The following SEMA4D variants were observed in gnomAD, a reference collection of about 807,000 sequenced individuals.
The protein encoded by SEMA4D is semaphorin 4D.
A neutral mutation model predicts 74.8 loss-of-function variants in SEMA4D; 22 were observed. The ratio of observed to expected loss-of-function variants is 0.29; its 90% CI spans 0.21 to 0.42. The LOEUF is 0.42. Ranked by LOEUF, SEMA4D falls within the 10% of genes least tolerant of loss-of-function variation. The pLI, the probability that SEMA4D is intolerant of heterozygous loss-of-function variation, is 1.00. For synonymous variants in SEMA4D, 445 were observed against 463.7 expected, an observed-to-expected ratio of 0.96 and a Z score of 0.52; for missense variants, 937 against 1,118.4, an observed-to-expected ratio of 0.84 and a Z score of 2.31.
chr9:89,491,083 G>A (rs1825588961), intron 1 of SEMA4D, among the ~76,000 whole-genome samples: 2 of 152,192 alleles, frequency 1.3e-5, no homozygotes, highest in Non-Finnish European at 2.9e-5. Flanking sequence ...AATACATTTT[G>A]TCATAATTCA....
At chr9:89,406,630 A>C (rs910735882) in intron 2 of SEMA4D, among the ~76,000 whole-genome samples, 8 of 152,194 alleles carry the variant, frequency 5.3e-5, no homozygotes, top group Non-Finnish European at 1.2e-4. Context: ...TCACTCTATG[A>C]GAATGTCCTG....
chr9:89,413,454 C>A (rs1016723579), intron 2 of SEMA4D, among the ~76,000 whole-genome samples: 3 of 152,228 alleles, frequency 2.0e-5, no homozygotes, highest in African/African-American at 7.2e-5. Flanking sequence ...ACATGTACAT[C>A]TGTGTGTATG....
chr9:89,362,320 G>A (rs1247018626), exon 19 of SEMA4D: 1 of 1,612,488 alleles, frequency 6.2e-7, no homozygotes, highest in Non-Finnish European at 8.5e-7. Flanking sequence ...GGGGGACCAG[G>A]CCTTCTCCGG....
In SEMA4D at chr9:89,377,328, A is replaced by T; in HGVS notation, c.*1376T>A. The T allele has an allele frequency of 5.5e-6, 2 of 365,844 alleles. No homozygotes were observed. The highest frequency in any genetic ancestry group is 4.8e-6 in the Non-Finnish European group (1 of 209,404). The allele number at this position is 365,844 out of a possible 1,614,324, so 22.7% of individuals were successfully genotyped here. A position where few individuals can be genotyped will look rare whatever the true frequency, so the allele number is the denominator to read the frequency against. On this transcript the variant is annotated 3_prime_UTR_variant, in exon 16 of 16. Coordinates refer to ENST00000422704, the MANE Select transcript of SEMA4D (RefSeq NM_001371194.2). Reference sequence around the variant, plus strand: ...AAACAAGGTAAATCTTATAAAACACAAATGTTTACACCAAAATGGTCAAAT... The same window carrying T: ...AAACAAGGTAAATCTTATAAAACACTAATGTTTACACCAAAATGGTCAAAT...
At chr9:89,472,167 A>T (rs1315595571) in intron 1 of SEMA4D, 1 of 181,112 alleles carries the variant, frequency 5.5e-6, no homozygotes, top group African/African-American at 2.4e-5. Context: ...GCTTCCCACA[A>T]GAGGCAACTG....
At chr9:89,442,295 C>G (rs564242772) in intron 2 of SEMA4D, among the ~76,000 whole-genome samples, 2,141 of 152,350 alleles carry the variant, frequency 0.014, 23 homozygotes, top group Middle Eastern at 0.078. Flanking sequence ...TGGAGCCCCC[C>G]ACTCCAGCCC....
rs147968182 is a variant in SEMA4D at position 89,382,845 on chromosome 9, G to A, written c.1447-1499C>T. ...TGCCCTGGGTGGCCAAGTGGGGCCC[G>A]CCTGACTCCTCACCCCAAAGAGAGG... On this transcript the variant is annotated intron_variant, in intron 13 of 15. Coordinates refer to ENST00000422704, the MANE Select transcript of SEMA4D (RefSeq NM_001371194.2). Among the ~76,000 whole-genome samples the A allele has an allele frequency of 3.1e-3, 466 of 152,250 alleles. 7 individuals carry two copies. The highest frequency in any genetic ancestry group is 4.4e-3 in the Non-Finnish European group (298 of 68,018).
In SEMA4D at chr9:89,393,661, A is replaced by G. The variant is rs746071588; in HGVS notation, c.415-6T>C. 4.4e-6 allele frequency: 7 copies of G among 1,601,702 alleles called. No homozygotes were observed. Among genetic ancestry groups the G allele is most frequent in the Middle Eastern group, 3.3e-4 (2 of 6,062 alleles). On this transcript the variant is annotated splice_region_variant and splice_polypyrimidine_tract_variant and intron_variant, in intron 6 of 15. Transcript: ENST00000422704. ...AACTTAAAGGATGTTAAGTTCTACA[A>G]TTGAATAAAAAGAGAGCACATCATC... is the stretch of plus-strand genomic sequence containing the variant.
In SEMA4D at chr9:89,362,098, C is replaced by T. The variant is rs893215444; in HGVS notation, c.*304G>A. The T allele has an allele frequency of 6.2e-5, 34 of 551,440 alleles. No individual in the cohort carries two copies. The Admixed American group carries it at 8.3e-4, about 13-fold the overall frequency. The allele number at this position is 551,440 out of a possible 1,614,324, so 34.2% of individuals were successfully genotyped here. A position where few individuals can be genotyped will look rare whatever the true frequency, so the allele number is the denominator to read the frequency against. On this transcript the variant is annotated 3_prime_UTR_variant, in exon 19 of 19. Coordinates refer to the SEMA4D transcript ENST00000339861. Reference sequence around the variant, plus strand: ...GCACACACCCTGCTGTTTTAGTTCACGAGCAGCTATCAAAGCCTGTTAGCC... The same window carrying T: ...GCACACACCCTGCTGTTTTAGTTCATGAGCAGCTATCAAAGCCTGTTAGCC...
chr9:89,362,239 G>T, exon 19 of SEMA4D: 1 of 1,224,536 alleles, frequency 8.2e-7, no homozygotes, highest in African/African-American at 1.5e-5. Context: ...CCACTGTCCC[G>T]CCTCTGCCCA....
chr9:89,367,718 G>C (rs1174993166), intron 16 of SEMA4D: 2 of 152,282 alleles, frequency 1.3e-5, no homozygotes, highest in Non-Finnish European at 2.9e-5. Context: ...CGTAGGTAAT[G>C]ATCTTTCTCC....
intron 2 of SEMA4D, among the ~76,000 whole-genome samples, chr9:89,433,917 C>T (rs150221964): frequency 2.6e-5 from 4 of 152,346 alleles, no homozygotes; most frequent in African/African-American, 7.2e-5. Flanking sequence ...CACCACTCCC[C>T]TCTGGACTGG....
chr9:89,465,744 C>CG (rs1156291300), intron 1 of SEMA4D, among the ~76,000 whole-genome samples: 1 of 152,226 alleles, frequency 6.6e-6, no homozygotes, highest in Non-Finnish European at 1.5e-5. Flanking sequence ...CCCATTTGCA[C>CG]GTCTAGGGAC....
chr9:89,449,436 T>C (rs2135378456), intron 2 of SEMA4D: 1 of 595,486 alleles, frequency 1.7e-6, no homozygotes, highest in Non-Finnish European at 3.1e-6. Context: ...AAAGACTAAG[T>C]TCGCGGCTTT....
chr9:89,440,024 C>T lies in SEMA4D; in HGVS notation c.-244+15864G>A, dbSNP rs138941208. Among the ~76,000 whole-genome samples the T allele has an allele frequency of 2.6e-3, 391 of 152,354 alleles. 1 individual carries two copies. The highest frequency in any genetic ancestry group is 5.7e-3 in the Admixed American group (88 of 15,312). On this transcript the variant is annotated intron_variant, in intron 2 of 15. Transcript: ENST00000422704. ...ACACGTGCTGGGTCAGGAGCCGTGT[C>T]CAGGACACATGGAGACCTGCCTGCT...
chr9:89,450,660 G>GGAAAAAAAAAAAA lies in SEMA4D; in HGVS notation c.-244+5227_-244+5228insTTTTTTTTTTTTC, dbSNP rs1491451024. The GGAAAAAAAAAAAA allele has an allele frequency of 1.3e-3, 573 of 430,224 alleles. 69 individuals are homozygous for GGAAAAAAAAAAAA. Among genetic ancestry groups the GGAAAAAAAAAAAA allele is most frequent in the Non-Finnish European group, 1.6e-3 (436 of 279,058 alleles). The allele number at this position is 430,224 out of a possible 1,614,324, so 26.7% of individuals were successfully genotyped here. A position where few individuals can be genotyped will look rare whatever the true frequency, so the allele number is the denominator to read the frequency against. ...GAGTTCTGCAAGTCGAAAAACCCAGGAAAAAAAAAAAAAAAAAAAAAAAAA... is the reference window on the plus strand; with the variant it reads ...GAGTTCTGCAAGTCGAAAAACCCAGGGAAAAAAAAAAAAAAAAAAAAAAAAAAAAAAAAAAAAA... On this transcript the variant is annotated intron_variant, in intron 2 of 15. Coordinates refer to ENST00000422704, the MANE Select transcript of SEMA4D (RefSeq NM_001371194.2).
At chr9:89,365,243 G>C (rs993106766) in intron 16 of SEMA4D, 1 of 152,492 alleles carries the variant, frequency 6.6e-6, no homozygotes, top group Non-Finnish European at 1.5e-5. Flanking sequence ...GGGCAGGTGA[G>C]GGGGTGCAGG....
chr9:89,371,975 TGTGTGTCTG>T (rs1835019469), intron 16 of SEMA4D, among the ~76,000 whole-genome samples: 1 of 2,604 alleles, frequency 3.8e-4, no homozygotes, highest in Non-Finnish European at 7.2e-4. Context: ...TGGGGTGTGG[TGTGTGTCTG>T]GGGTGTGGTG....
chr9:89,445,477 C>T, intron 2 of SEMA4D, among the ~76,000 whole-genome samples: 1 of 152,226 alleles, frequency 6.6e-6, no homozygotes, highest in Non-Finnish European at 1.5e-5. Context: ...CAGGACCATG[C>T]TCGCTCTGGA....
Sources: allele counts gnomAD v4.1 joint callset (sites outside exome capture counted in the v4.1 genomes callset), GRCh38; gene constraint gnomAD v4.1.1; transcripts MANE v1.5; gene names NCBI Gene and HGNC (gene_info 2026-07-23, HGNC 2026-07-21).